Variants in NOP56 observed in about 807,000 individuals in gnomAD.
NOP56 encodes the protein NOP56 ribonucleoprotein.
A neutral mutation model predicts 58.3 loss-of-function variants in NOP56; 31 were observed. The observed-to-expected ratio is 0.53, with a 90% confidence interval of 0.40 to 0.72. The LOEUF is 0.72. Ranked by LOEUF, NOP56 falls within the 30% of genes least tolerant of loss-of-function variation. The probability of loss-of-function intolerance (pLI) is 0.00; values close to 1 mark genes in which losing one functional copy is unlikely to be tolerated. For synonymous variants in NOP56, 313 were observed against 282.8 expected (o/e 1.11, Z -1.07); for missense variants, 669 against 739.9 (o/e 0.90, Z 1.11).
At position 2,655,181 on chromosome 20, in the gene NOP56, G is replaced by A. The variant is rs769928173; in HGVS notation, c.570-144G>A. On this transcript the variant is annotated intron_variant, in intron 5 of 11. Coordinates refer to ENST00000329276, the MANE Select transcript of NOP56 (RefSeq NM_006392.4). ...TCAGGCCCTGTGCCTGGTCTGTATT[G>A]TGAATGGGGGAACATAGAATTGAGG... 1.3e-5 allele frequency: 15 copies of A among 1,187,122 alleles called. No individual in the cohort carries two copies. The East Asian group carries it at 2.3e-4, about 18-fold the overall frequency. 73.5% of individuals were successfully genotyped at this position (1,187,122 alleles called of 1,614,324 possible). A position where few individuals can be genotyped will look rare whatever the true frequency, so the allele number is the denominator to read the frequency against.
chr20:2,653,144 T>C, intron 2 of NOP56, 135 bp from the exon 3 acceptor site: 1 of 848,326 alleles, frequency 1.2e-6, no homozygotes, highest in Non-Finnish European at 1.9e-6. Flanking sequence ...CCCCGAACGA[T>C]TAAAGCAGAA....
chr20:2,654,705 T>G, intron 4 of NOP56, 44 bp from the exon 5 acceptor site: 1 of 1,610,742 alleles, frequency 6.2e-7, no homozygotes. Context: ...GTGCGGGAGC[T>G]AGCTCAGAGC....
At chr20:2,654,183 T>C in intron 3 of NOP56, 1 of 736,996 alleles carries the variant, frequency 1.4e-6, no homozygotes. Flanking sequence ...CAGACCTGAA[T>C]GCAGTTGTTC....
In NOP56 at chr20:2,658,226, G is replaced by A. The variant is rs989954432; in HGVS notation, c.1717G>A (p.Glu573Lys). The A allele has an allele frequency of 6.2e-7, 1 of 1,603,158 alleles. No homozygotes were observed. The highest frequency in any genetic ancestry group is 8.5e-7 in the Non-Finnish European group (1 of 1,174,722). ...SKEEPVSSGP[E>K]EAVGKSSSKK... ...AGAGGAGCCGGTCAGCAGTGGGCCT[G>A]AAGAGGCGGTTGGCAAGAGCAGCTC... is the stretch of plus-strand genomic sequence containing the variant. The change falls in exon 12 of 12, where the codon GAA (glutamate) becomes AAA (lysine). Residue 573 changes from glutamate to lysine, a missense_variant. Transcript: ENST00000329276.
rs8958 is a variant in NOP56 at position 2,656,425 on chromosome 20, T to C, written c.1035T>C (p.Thr345=). 0.62 allele frequency: 1,000,380 copies of C among 1,613,730 alleles called. 311,825 individuals are homozygous for C. The highest frequency in any genetic ancestry group is 0.74 in the African/African-American group (55,079 of 74,932). ...LFRALKTRGN[T]PKYGLIFHST... ...GAGCCCTGAAGACAAGGGGTAACAC[T>C]CCAAAATATGGACTCATTTTCCACT... Residue 345 remains threonine, a synonymous_variant, in exon 9 of 12, where the codon ACT becomes ACC. Coordinates refer to ENST00000329276, the MANE Select transcript of NOP56 (RefSeq NM_006392.4).
rs767917526 is a variant in NOP56, at chr20:2,653,364, C to T, written c.179C>T (p.Ala60Val). 6.2e-7 allele frequency: 1 copy of T among 1,614,144 alleles called. No individual in the cohort carries two copies. The highest frequency in any genetic ancestry group is 1.1e-5 in the South Asian group (1 of 91,070). ...AFCPFASSQV[A>V]LENANAVSEG... ...TGTCCCTTTGCCTCATCCCAGGTTG[C>T]CTTGGAAAATGCCAACGCCGTGTCT... The change falls in exon 3 of 12, where the codon GCC becomes GTC. Residue 60 changes from alanine (A) to valine (V), a missense_variant. Transcript: ENST00000329276.
chr20:2,652,994 T>G (rs2086769915), intron 2 of NOP56, 63 bp downstream of exon 2: 2 of 1,420,638 alleles, frequency 1.4e-6, no homozygotes, highest in South Asian at 2.6e-5. Context: ...GGTCCCAGCA[T>G]GCACAGCGCG....
rs1226087444 is a variant in NOP56 at position 2,655,487 on chromosome 20, T to A, written c.732T>A (p.Ile244=). The change falls in exon 6 of 12, where the codon ATT becomes ATA. Residue 244 remains isoleucine, a synonymous_variant. Transcript: ENST00000329276. ...TGGATGGGGCCAAGGCTAAGGCTAT[T>A]CTGGATGCCTCACGGTCCTCCATGG... ...LTMDGAKAKA[I]LDASRSSMGM... The A allele has an allele frequency of 5.0e-6, 8 of 1,614,214 alleles. No individual in the cohort carries two copies. The highest frequency in any genetic ancestry group is 6.8e-6 in the Non-Finnish European group (8 of 1,180,042).
At position 2,656,889 on chromosome 20, in the gene NOP56, G is replaced by A; in HGVS notation, c.1275G>A (p.Met425Ile). The A allele has an allele frequency of 1.2e-6, 2 of 1,614,168 alleles. No homozygotes were observed. Among genetic ancestry groups the A allele is most frequent in the South Asian group, 2.2e-5 (2 of 91,062 alleles). Residue 425 changes from methionine (M) to isoleucine (I), a missense_variant, in exon 10 of 12, where the codon ATG (methionine) becomes ATA (isoleucine). Physicochemically the swap from Met to Ile is conservative, Grantham distance 10. This residue lies in a region of NOP56 where 339 missense variants were observed against 430.5 expected (regional missense o/e 0.79). Transcript: ENST00000329276. ...RKNLDVMKEA[M>I]VQAEEAAAEI... ...ATCTGGATGTCATGAAGGAAGCAAT[G>A]GTTCAGGTCAGTTGGGCTTTGCTGG...
intron 3 of NOP56, 135 bp from the exon 4 acceptor site, chr20:2,654,279 C>G (rs1373976436): frequency 2.2e-6 from 2 of 908,176 alleles, no homozygotes; most frequent in Non-Finnish European, 3.7e-6. Context: ...CTCCATGTCT[C>G]TGAGCAATGC....
chr20:2,655,571 G>T lies in NOP56; in HGVS notation c.758-24G>T, dbSNP rs767268886. ...TGGGGCTCTAAATAGCTGGCCTCTT[G>T]CATTCACACTTGGTTTTTCCTAGGC... On this transcript the variant is annotated intron_variant, in intron 6 of 11. Transcript: ENST00000329276. 145 of 1,614,078 alleles carry T rather than the reference G, an allele frequency of 9.0e-5. 1 individual carries two copies. Among genetic ancestry groups the T allele is most frequent in the Non-Finnish European group, 1.2e-4 (141 of 1,180,038 alleles).
rs1441282241 is a variant in NOP56, at chr20:2,653,865, G to T, written c.208+472G>T. 1.7e-5 allele frequency: 5 copies of T among 299,450 alleles called. No homozygotes were observed. In the East Asian group the frequency reaches 3.3e-4, roughly 20 times the overall value. 18.5% of individuals were successfully genotyped at this position (299,450 alleles called of 1,614,324 possible). A position where few individuals can be genotyped will look rare whatever the true frequency, so the allele number is the denominator to read the frequency against. On this transcript the variant is annotated intron_variant, in intron 3 of 11. Transcript: ENST00000329276. ...AGACGGGGTTTCACCATGTTGGCCA[G>T]GCTAGTCTCCATCTCCTGACCTCGT...
rs375168287 is a variant in NOP56 at position 2,654,698 on chromosome 20, C to T, written c.371-51C>T. 4.2e-5 allele frequency: 68 copies of T among 1,608,460 alleles called. 1 individual carries two copies. In the East Asian group the frequency reaches 5.8e-4, roughly 14 times the overall value. ...CAGGCTGGGCTGGTGCCCGTGGGTG[C>T]GGGAGCTAGCTCAGAGCCCCTTGTT... is the stretch of plus-strand genomic sequence containing the variant. On this transcript the variant is annotated intron_variant, in intron 4 of 11. Transcript: ENST00000329276.
chr20:2,652,871 G>T lies in NOP56; in HGVS notation c.33G>T (p.Ala11=). MVLLHVLFEH[A]VGYALLALKE... Reference sequence around the variant, plus strand: ...TGTTGCACGTGCTGTTTGAGCACGCGGTCGGCTACGCGCTGCTGGCGCTGA... The same window carrying T: ...TGTTGCACGTGCTGTTTGAGCACGCTGTCGGCTACGCGCTGCTGGCGCTGA... Residue 11 remains alanine, a synonymous_variant, in exon 2 of 12, where the codon GCG becomes GCT. Coordinates refer to ENST00000329276, the MANE Select transcript of NOP56 (RefSeq NM_006392.4). 2 of 1,611,460 alleles carry T rather than the reference G, an allele frequency of 1.2e-6. No homozygotes were observed. Among genetic ancestry groups the T allele is most frequent in the South Asian group, 2.2e-5 (2 of 90,926 alleles).
Position 2,654,748 on chromosome 20 carries a change from G to A in NOP56, c.371-1G>A. The A allele has an allele frequency of 6.2e-7, 1 of 1,613,630 alleles. No individual in the cohort carries two copies. Among genetic ancestry groups the A allele is most frequent in the Non-Finnish European group, 8.5e-7 (1 of 1,180,042 alleles). ...TGCTCACCGTCTTGCCCTCTTCTTA[G>A]GAGTTCGTCTGCACTTCCACAATCT... On this transcript the variant is annotated splice_acceptor_variant, in intron 4 of 11. Coordinates refer to ENST00000329276, the MANE Select transcript of NOP56 (RefSeq NM_006392.4). LOFTEE classifies it high-confidence loss of function.
At chr20:2,656,317 G>T in intron 8 of NOP56, 84 bp from the exon 9 acceptor site, 2 of 1,605,598 alleles carry the variant, frequency 1.2e-6, no homozygotes, top group South Asian at 1.1e-5. Context: ...GGACTTCGGG[G>T]TGAGAGGAGG....
intron 11 of NOP56, 119 bp downstream of exon 11, chr20:2,657,337 A>C (rs757750058): frequency 6.2e-5 from 87 of 1,397,742 alleles, no homozygotes; most frequent in Non-Finnish European, 8.6e-5. Flanking sequence ...TGAAACAAGG[A>C]CCTGAAACAT....
chr20:2,653,202 G>A (rs1378482991), intron 2 of NOP56, 77 bp from the exon 3 acceptor site: 1 of 1,206,436 alleles, frequency 8.3e-7, no homozygotes, highest in East Asian at 2.3e-5. Flanking sequence ...AGCTTCCAAG[G>A]CTGAGAACCG....
At chr20:2,652,820 C>G (rs73576045) in intron 1 of NOP56, 22 bp from the exon 2 acceptor site, 3 of 1,604,072 alleles carry the variant, frequency 1.9e-6, no homozygotes, top group Non-Finnish European at 2.6e-6. Flanking sequence ...CGTTGACGCT[C>G]GCGCCCCGGC....
Sources: allele counts gnomAD v4.1 joint callset, GRCh38; gene constraint gnomAD v4.1.1; regional missense constraint gnomAD v4.1.1; transcripts MANE v1.5; gene names NCBI Gene and HGNC (gene_info 2026-07-23, HGNC 2026-07-21).